The following AGBL4 variants were observed in gnomAD, a reference collection of about 807,000 sequenced individuals.
AGBL4 encodes AGBL carboxypeptidase 4.
AGBL4 carries 58 observed loss-of-function variants against 66.4 expected under a neutral mutation model. That is an observed-to-expected ratio of 0.87 (90% CI 0.71 to 1.09). AGBL4 has a LOEUF of 1.09. AGBL4 is among the 50% of genes least tolerant of loss of function. AGBL4 has a pLI of 0.00. For synonymous variants in AGBL4, 234 were observed against 222.9 expected, an observed-to-expected ratio of 1.05 and a Z score of -0.44; for missense variants, 579 against 631.0, an observed-to-expected ratio of 0.92 and a Z score of 0.88.
intron 6 of AGBL4, among the ~76,000 whole-genome samples, chr1:48,821,664 T>C (rs1473951163): frequency 6.6e-6 from 1 of 152,122 alleles, no homozygotes; most frequent in Non-Finnish European, 1.5e-5. Context: ...CTATGGTTGA[T>C]GGGTACACTA....
chr1:48,761,209 G>A, intron 6 of AGBL4: 16 of 1,085,644 alleles, frequency 1.5e-5, no homozygotes, highest in South Asian at 5.2e-5. Context: ...TCACTACCCT[G>A]AAAAAATCAT....
chr1:49,907,541 A>G (rs772766062), intron 1 of AGBL4, among the ~76,000 whole-genome samples: 7 of 152,172 alleles, frequency 4.6e-5, no homozygotes, highest in Non-Finnish European at 1.0e-4. Context: ...AACTGATTAC[A>G]TTTCTAAGTG....
chr1:48,944,743 T>C (rs1012335498), intron 5 of AGBL4, among the ~76,000 whole-genome samples: 2 of 152,184 alleles, frequency 1.3e-5, no homozygotes, highest in African/African-American at 4.8e-5. Context: ...CCTTTCTTCT[T>C]GATCAAACAT....
intron 1 of AGBL4, among the ~76,000 whole-genome samples, chr1:49,913,324 A>G (rs559732970): frequency 6.6e-6 from 1 of 152,384 alleles, no homozygotes; most frequent in South Asian, 2.1e-4. Flanking sequence ...AAAGACAGGC[A>G]AGAATAAAAG....
rs573928851 is a variant in AGBL4 at position 49,838,360 on chromosome 1, C to A, written c.157+13036G>T. Among the ~76,000 whole-genome samples the A allele has an allele frequency of 2.6e-5, 4 of 152,290 alleles. No individual in the cohort carries two copies. The East Asian group carries it at 7.7e-4, about 29-fold the overall frequency. On this transcript the variant is annotated intron_variant, in intron 2 of 13. Transcript: ENST00000371839. ...TACCTAGGCTTCTTCCTTCTTCCTG[C>A]CCTACAGACACCTGCAAGAGGTTCC...
intron 3 of AGBL4, among the ~76,000 whole-genome samples, chr1:49,543,624 T>C (rs1391615812): frequency 2.0e-5 from 3 of 152,162 alleles, no homozygotes; most frequent in Non-Finnish European, 4.4e-5. Flanking sequence ...TAATGGGTTA[T>C]CTTGTAAAGC....
chr1:49,846,100 T>C, intron 2 of AGBL4: 1 of 1,526,534 alleles, frequency 6.6e-7, no homozygotes. Context: ...GTAACCAGTG[T>C]AGCCAGAGCT....
chr1:48,759,046 A>G, intron 6 of AGBL4: 1 of 1,613,834 alleles, frequency 6.2e-7, no homozygotes, highest in Non-Finnish European at 8.5e-7. Context: ...CTCCTGCTGG[A>G]GGTGGCGCAT....
intron 6 of AGBL4, among the ~76,000 whole-genome samples, chr1:48,853,242 G>A (rs1455777944): frequency 6.6e-6 from 1 of 152,134 alleles, no homozygotes; most frequent in Non-Finnish European, 1.5e-5. Flanking sequence ...CTGGAAAGAT[G>A]ATCCTCCAGC....
chr1:49,937,660 C>A lies in AGBL4; in HGVS notation c.34+86103G>T, dbSNP rs1654231582. On this transcript the variant is annotated intron_variant, in intron 1 of 13. Transcript: ENST00000371839. ...ACTGTCCCTCAGACCACAGTGCGATCAAACTAGAACGCAGGATTAAGAATC... is the reference window on the plus strand; with the variant it reads ...ACTGTCCCTCAGACCACAGTGCGATAAAACTAGAACGCAGGATTAAGAATC... 2.0e-5 allele frequency among the ~76,000 whole-genome samples: 3 copies of A among 152,268 alleles called. No homozygotes were observed. In the Middle Eastern group the frequency reaches 0.01, roughly 521 times the overall value.
chr1:49,596,442 A>G (rs187037949), intron 3 of AGBL4, among the ~76,000 whole-genome samples: 1 of 152,282 alleles, frequency 6.6e-6, no homozygotes, highest in East Asian at 1.9e-4. Context: ...AAATGGTGGG[A>G]TTACAGCTGT....
At chr1:48,671,841 C>T (rs144114546) in intron 6 of AGBL4, among the ~76,000 whole-genome samples, 1 of 152,294 alleles carries the variant, frequency 6.6e-6, no homozygotes, top group East Asian at 1.9e-4. Flanking sequence ...GTATTTGTTG[C>T]CCTTTGGTTG....
intron 6 of AGBL4, among the ~76,000 whole-genome samples, chr1:48,797,588 T>C (rs556015206): frequency 3.9e-5 from 6 of 152,316 alleles, no homozygotes; most frequent in African/African-American, 1.4e-4. Context: ...CCATAGTGCA[T>C]GTATATACCA....
intron 4 of AGBL4, among the ~76,000 whole-genome samples, chr1:49,067,419 T>G (rs1195862827): frequency 1.3e-5 from 2 of 152,212 alleles, no homozygotes; most frequent in Non-Finnish European, 2.9e-5. Flanking sequence ...CTACTTCATC[T>G]TGTACTTCTC....
chr1:48,820,209 G>A (rs556418450), intron 6 of AGBL4, among the ~76,000 whole-genome samples: 78 of 152,224 alleles, frequency 5.1e-4, no homozygotes, highest in Non-Finnish European at 9.0e-4. Flanking sequence ...TACTGTCTGG[G>A]CCCTGGGACT....
intron 3 of AGBL4, among the ~76,000 whole-genome samples, chr1:49,335,874 T>C (rs1000771233): frequency 1.1e-4 from 16 of 152,200 alleles, no homozygotes; most frequent in Admixed American, 1.0e-3. Flanking sequence ...CTTGTGTAAC[T>C]TTTCAATCTC....
At chr1:49,774,234 A>C (rs142293884) in intron 2 of AGBL4, among the ~76,000 whole-genome samples, 1 of 152,214 alleles carries the variant, frequency 6.6e-6, no homozygotes, top group Admixed American at 6.5e-5. Flanking sequence ...CGTCTGCAAC[A>C]GTGATAGGGA....
intron 3 of AGBL4, among the ~76,000 whole-genome samples, chr1:49,537,785 G>T (rs1009334245): frequency 7.2e-5 from 11 of 152,146 alleles, no homozygotes; most frequent in Non-Finnish European, 2.9e-5. Context: ...ACATTAGCCA[G>T]GCATGGTGGT....
At chr1:48,865,242 A>G (rs1381889870) in intron 6 of AGBL4, among the ~76,000 whole-genome samples, 1 of 152,156 alleles carries the variant, frequency 6.6e-6, no homozygotes, top group East Asian at 1.9e-4. Context: ...TTGACATGGA[A>G]TAGAGTCATC....
Sources: allele counts gnomAD v4.1 joint callset (sites outside exome capture counted in the v4.1 genomes callset), GRCh38; gene constraint gnomAD v4.1.1; transcripts MANE v1.5; gene names NCBI Gene and HGNC (gene_info 2026-07-23, HGNC 2026-07-21).